SRPK2: variants seen among roughly 807,000 people sequenced by gnomAD.
SRPK2 encodes the protein SRSF protein kinase 2.
Under a neutral mutation model 90.8 loss-of-function variants are expected in SRPK2, and 21 were observed. The observed-to-expected ratio is 0.23, with a 90% CI of 0.16 to 0.33. SRPK2 has a LOEUF of 0.33. Ranked by LOEUF, SRPK2 falls within the 10% of genes least tolerant of loss-of-function variation. SRPK2 has a pLI of 1.00. For missense variants in SRPK2, 620 were observed against 869.0 expected (o/e 0.71, Z 3.60); for synonymous variants, 288 against 311.1 (o/e 0.93, Z 0.78).
At chr7:105,361,478 A>C (rs532530399) in intron 2 of SRPK2, among the ~76,000 whole-genome samples, 17 of 152,348 alleles carry the variant, frequency 1.1e-4, no homozygotes, top group Admixed American at 3.3e-4. Flanking sequence ...AAACTACTTT[A>C]AAGTTCATAC....
At chr7:105,127,140 G>A (rs1801323175) in intron 13 of SRPK2, 78 bp from the exon 14 acceptor site, 3 of 1,357,680 alleles carry the variant, frequency 2.2e-6, no homozygotes, top group Non-Finnish European at 3.1e-6. Context: ...TTATAGAAGA[G>A]ACCGCCACTT....
intron 2 of SRPK2, among the ~76,000 whole-genome samples, chr7:105,248,419 C>T (rs1378517638): frequency 1.5e-5 from 2 of 136,934 alleles, no homozygotes; most frequent in African/African-American, 2.8e-5. Context: ...AGCGAGATGC[C>T]ATCTTTACAA....
intron 2 of SRPK2, among the ~76,000 whole-genome samples, chr7:105,333,625 T>C (rs773304446): frequency 1.2e-4 from 19 of 152,204 alleles, no homozygotes; most frequent in Non-Finnish European, 2.1e-4. Flanking sequence ...TTTCCAGTAG[T>C]AGTTACTTTC....
chr7:105,314,678 C>T (rs1324847508), intron 2 of SRPK2, among the ~76,000 whole-genome samples: 1 of 152,172 alleles, frequency 6.6e-6, no homozygotes, highest in African/African-American at 2.4e-5. Context: ...GCCACCATGC[C>T]CGGCCCAAAA....
intron 15 of SRPK2, among the ~76,000 whole-genome samples, chr7:105,120,650 C>CT (rs1320504852): frequency 6.7e-6 from 1 of 150,226 alleles, no homozygotes; most frequent in African/African-American, 2.4e-5. Context: ...ACTGAACCGC[C>CT]TCTAAAAAAA....
chr7:105,354,622 G>C (rs1817579671), intron 2 of SRPK2, among the ~76,000 whole-genome samples: 1 of 152,138 alleles, frequency 6.6e-6, no homozygotes, highest in Non-Finnish European at 1.5e-5. Context: ...CAAATAATCT[G>C]CAGCACAGCC....
At chr7:105,331,337 A>AAAAAAAAAAAAC (rs1554512429) in intron 2 of SRPK2, among the ~76,000 whole-genome samples, 16 of 141,932 alleles carry the variant, frequency 1.1e-4, no homozygotes, top group Non-Finnish European at 2.0e-4. Context: ...AAAAAAAAAA[A>AAAAAAAAAAAAC]CAAATAGTTA....
At chr7:105,222,970 G>A (rs764227651) in intron 2 of SRPK2, among the ~76,000 whole-genome samples, 2 of 152,116 alleles carry the variant, frequency 1.3e-5, no homozygotes, top group Non-Finnish European at 2.9e-5. Context: ...ATTCTTTTAA[G>A]TTTTAATTTT....
At chr7:105,183,126 A>C (rs1002931265) in intron 3 of SRPK2, among the ~76,000 whole-genome samples, 1 of 152,214 alleles carries the variant, frequency 6.6e-6, no homozygotes, top group African/African-American at 2.4e-5. Context: ...GACAAAGAAA[A>C]TTATTTAAAT....
intron 2 of SRPK2, among the ~76,000 whole-genome samples, chr7:105,244,057 G>A (rs1175370983): frequency 1.3e-5 from 2 of 152,180 alleles, no homozygotes; most frequent in African/African-American, 4.8e-5. Flanking sequence ...CCATAAAGAA[G>A]CCCCACGAGG....
At chr7:105,147,404 G>A (rs186206370) in intron 7 of SRPK2, among the ~76,000 whole-genome samples, 4 of 152,156 alleles carry the variant, frequency 2.6e-5, no homozygotes, top group East Asian at 1.9e-4. Flanking sequence ...TGCAACCTCC[G>A]CCTCCCAGGT....
At chr7:105,168,763 G>GTGTGTGTGTC (rs1261727386) in intron 4 of SRPK2, among the ~76,000 whole-genome samples, 12 of 148,810 alleles carry the variant, frequency 8.1e-5, no homozygotes, top group Non-Finnish European at 1.3e-4. Flanking sequence ...GTGTGTGTGT[G>GTGTGTGTGTC]TGTGTGTGTG....
At chr7:105,173,699 C>T (rs1791445324) in intron 3 of SRPK2, among the ~76,000 whole-genome samples, 1 of 152,168 alleles carries the variant, frequency 6.6e-6, no homozygotes, top group African/African-American at 2.4e-5. Flanking sequence ...TAGACAAAGA[C>T]TCAAACTTTA....
intron 2 of SRPK2, among the ~76,000 whole-genome samples, chr7:105,372,136 TAAAAAAAAAAAAAAA>T (rs55928342): frequency 1.7e-4 from 13 of 76,772 alleles, no homozygotes; most frequent in African/African-American, 5.8e-4. Context: ...CTCCAACTCA[TAAAAAAAAAAAAAAA>T]AAAAAAAAAA....
At chr7:105,344,960 AC>A (rs1246280558) in intron 2 of SRPK2, among the ~76,000 whole-genome samples, 2 of 151,940 alleles carry the variant, frequency 1.3e-5, no homozygotes, top group African/African-American at 4.8e-5. Context: ...ACATGGTGAA[AC>A]CCTGTCTCTA....
chr7:105,164,735 T>C (rs1383276912), intron 6 of SRPK2, among the ~76,000 whole-genome samples: 1 of 152,272 alleles, frequency 6.6e-6, no homozygotes, highest in Non-Finnish European at 1.5e-5. Context: ...AATGCTTCCC[T>C]AGTTGATCAT....
chr7:105,312,888 T>C (rs1811876233), intron 2 of SRPK2, among the ~76,000 whole-genome samples: 1 of 152,190 alleles, frequency 6.6e-6, no homozygotes, highest in Non-Finnish European at 1.5e-5. Context: ...CCTCCCACCT[T>C]GGCCTCCCCC....
chr7:105,398,677 C>T (rs1026978700), intron 1 of SRPK2, among the ~76,000 whole-genome samples: 1 of 152,136 alleles, frequency 6.6e-6, no homozygotes, highest in African/African-American at 2.4e-5. Context: ...ATCTAATCTG[C>T]CCATTCAATT....
intron 11 of SRPK2, among the ~76,000 whole-genome samples, chr7:105,133,673 G>T (rs542863473): frequency 6.6e-6 from 1 of 152,298 alleles, no homozygotes; most frequent in Non-Finnish European, 1.5e-5. Context: ...GATGACTGTT[G>T]ATTAACAAAC....
Sources: gnomAD v4.1 joint callset for allele counts (sites outside exome capture counted in the v4.1 genomes callset) on GRCh38, gnomAD v4.1.1 for gene constraint, MANE v1.5 for transcripts, NCBI Gene and HGNC (gene_info 2026-07-23, HGNC 2026-07-21) for gene names.